Variants in LGR5 observed in about 807,000 individuals in gnomAD.
LGR5 encodes leucine rich repeat containing G protein-coupled receptor 5.
Under a neutral mutation model 76.7 loss-of-function variants are expected in LGR5, and 54 were observed. That is an observed-to-expected ratio of 0.70 (90% CI 0.57 to 0.88). The LOEUF (loss-of-function observed/expected upper bound fraction) is 0.88. Among genes scored for constraint, LGR5 ranks in the 40% least tolerant of loss-of-function variants. LGR5 has a pLI of 0.00. For missense variants in LGR5, 1,078 were observed against 1,073.3 expected, an observed-to-expected ratio of 1.00 and a Z score of -0.06; for synonymous variants, 406 against 421.9, an observed-to-expected ratio of 0.96 and a Z score of 0.46.
At chr12:71,527,848 T>G (rs1876095553) in intron 3 of LGR5, among the ~76,000 whole-genome samples, 2 of 152,192 alleles carry the variant, frequency 1.3e-5, no homozygotes, top group Admixed American at 6.5e-5. Context: ...TTTTGGAAAT[T>G]TGTGGGAGCA....
chr12:71,571,345 T>C (rs1878600820), intron 11 of LGR5, 169 bp from the exon 12 acceptor site: 1 of 487,592 alleles, frequency 2.1e-6, no homozygotes, highest in Non-Finnish European at 3.6e-6. Flanking sequence ...TTGAATCTAC[T>C]GGTTAATCCA....
chr12:71,531,801 G>T (rs979953564), intron 3 of LGR5, among the ~76,000 whole-genome samples: 19 of 152,304 alleles, frequency 1.2e-4, no homozygotes, highest in Non-Finnish European at 2.9e-5. Flanking sequence ...CCGGGAGGCG[G>T]AGGTTGCAGT....
chr12:71,571,187 A>G (rs1472793302), intron 11 of LGR5: 2 of 171,888 alleles, frequency 1.2e-5, no homozygotes, highest in Non-Finnish European at 2.5e-5. Context: ...TTAGAGACAG[A>G]GGCACAATTA....
chr12:71,470,599 T>A (rs1265337347), intron 1 of LGR5, among the ~76,000 whole-genome samples: 1 of 152,204 alleles, frequency 6.6e-6, no homozygotes, highest in Non-Finnish European at 1.5e-5. Flanking sequence ...GTGTATAGAA[T>A]CATATTTAAG....
intron 16 of LGR5, 71 bp downstream of exon 16, chr12:71,580,494 T>C: frequency 2.0e-6 from 3 of 1,480,094 alleles, no homozygotes; most frequent in Non-Finnish European, 2.8e-6. Context: ...GAATTATGTT[T>C]GATGAAAAGT....
intron 5 of LGR5, among the ~76,000 whole-genome samples, chr12:71,553,793 T>A (rs1000886791): frequency 6.6e-6 from 1 of 152,040 alleles, no homozygotes; most frequent in African/African-American, 2.4e-5. Flanking sequence ...AGAATTGCAA[T>A]AAAGAGTAAC....
At chr12:71,526,093 A>G (rs1408204790) in intron 3 of LGR5, among the ~76,000 whole-genome samples, 6 of 152,152 alleles carry the variant, frequency 3.9e-5, no homozygotes, top group Non-Finnish European at 7.4e-5. Flanking sequence ...TAGACATTCA[A>G]TAAATATTTG....
intron 2 of LGR5, among the ~76,000 whole-genome samples, chr12:71,505,888 T>A (rs892134399): frequency 6.6e-6 from 1 of 151,940 alleles, no homozygotes; most frequent in Non-Finnish European, 1.5e-5. Flanking sequence ...GTCCCAGGCC[T>A]TTTTTTTCCA....
At chr12:71,517,178 C>A (rs182153729) in intron 2 of LGR5, among the ~76,000 whole-genome samples, 1 of 152,060 alleles carries the variant, frequency 6.6e-6, no homozygotes, top group Non-Finnish European at 1.5e-5. Flanking sequence ...GTATGCATTT[C>A]GGTTTCAAAA....
In LGR5 at chr12:71,440,261, C is replaced by T; in HGVS notation, c.181C>T (p.Pro61Ser). Residue 61 changes from proline (P) to serine (S), a missense_variant, in exon 1 of 18, where the codon CCT (proline) becomes TCT (serine). Physicochemically the swap from Pro to Ser is moderately conservative, Grantham distance 74 (BLOSUM62 -1). Coordinates refer to ENST00000266674, the MANE Select transcript of LGR5 (RefSeq NM_003667.4). This position sits in a 1 kb window ranked among gnomAD's most constrained non-coding sequence, Gnocchi z 5.3. ...CTCCGACCTGGGGCTCTCGGAGCTG[C>T]CTTCCAACCTCAGCGTCTTCACCTC... Reference protein sequence around the residue: ...DCSDLGLSELPSNLSVFTSYL... With the variant: ...DCSDLGLSELSSNLSVFTSYL... The T allele has an allele frequency of 6.2e-7, 1 of 1,612,744 alleles. No individual in the cohort carries two copies. The highest frequency in any genetic ancestry group is 8.5e-7 in the Non-Finnish European group (1 of 1,179,978).
At chr12:71,476,557 A>G (rs1373667564) in intron 1 of LGR5, among the ~76,000 whole-genome samples, 1 of 152,204 alleles carries the variant, frequency 6.6e-6, no homozygotes, top group Non-Finnish European at 1.5e-5. Flanking sequence ...TTTGTCTCAG[A>G]TATAAAACGC....
At chr12:71,548,767 T>C (rs1349407664) in intron 4 of LGR5, among the ~76,000 whole-genome samples, 1 of 152,050 alleles carries the variant, frequency 6.6e-6, no homozygotes, top group Admixed American at 6.6e-5. Flanking sequence ...TGGAACCTGG[T>C]ACTTCCCATT....
intron 1 of LGR5, among the ~76,000 whole-genome samples, chr12:71,503,561 A>C (rs1803725815): frequency 6.6e-6 from 1 of 152,218 alleles, no homozygotes; most frequent in Non-Finnish European, 1.5e-5. Context: ...TAAAAGAACC[A>C]AGTTATATTG....
At chr12:71,555,333 AC>A (rs964631671) in intron 5 of LGR5, among the ~76,000 whole-genome samples, 10 of 152,172 alleles carry the variant, frequency 6.6e-5, no homozygotes, top group Non-Finnish European at 1.3e-4. Context: ...ATCCAGCTGT[AC>A]TTTTTCACCC....
Position 71,514,288 on chromosome 12 carries a change from G to A in LGR5, c.284+9603G>A, listed in dbSNP as rs982981116. Among the ~76,000 whole-genome samples the A allele has an allele frequency of 7.2e-5, 11 of 151,944 alleles. 1 individual carries two copies. The East Asian group carries it at 2.1e-3, about 30-fold the overall frequency. On this transcript the variant is annotated intron_variant, in intron 2 of 17. Transcript: ENST00000266674. ...TAGTCTGGTTAAAGAAACCACAGGG[G>A]CAGGGCACGGTGGCTCACGCCTGTA...
chr12:71,563,767 C>T (rs1392979754), intron 8 of LGR5, among the ~76,000 whole-genome samples: 1 of 152,082 alleles, frequency 6.6e-6, no homozygotes, highest in Non-Finnish European at 1.5e-5. Flanking sequence ...AGAGAGTTCC[C>T]TCCTGAGAAC....
chr12:71,523,804 T>G (rs1875841693), intron 2 of LGR5, among the ~76,000 whole-genome samples: 1 of 152,246 alleles, frequency 6.6e-6, no homozygotes, highest in African/African-American at 2.4e-5. Flanking sequence ...TTCCATTAAA[T>G]AACCCATGTT....
intron 1 of LGR5, among the ~76,000 whole-genome samples, chr12:71,501,837 T>G (rs1759424356): frequency 6.6e-6 from 1 of 152,330 alleles, no homozygotes; most frequent in East Asian, 1.9e-4. Flanking sequence ...TCACCGTGGA[T>G]AGTTTGGAAT....
rs1317663250 is a variant in LGR5, at chr12:71,585,452, A to G, written c.*718A>G. On this transcript the variant is annotated 3_prime_UTR_variant, in exon 18 of 18. Transcript: ENST00000266674. ...AAATTCTTAAATTGTTACTAAGGCA[A>G]TCATGCACAGGTGACGTATGTCTTA... 1 of 152,238 alleles carries G rather than the reference A, an allele frequency of 6.6e-6. No homozygotes were observed. The highest frequency in any genetic ancestry group is 1.5e-5 in the Non-Finnish European group (1 of 68,044). The allele number at this position is 152,238 out of a possible 1,614,324, so 9.4% of individuals were successfully genotyped here.
Sources: allele counts gnomAD v4.1 joint callset (sites outside exome capture counted in the v4.1 genomes callset), GRCh38; gene constraint gnomAD v4.1.1; non-coding constraint Gnocchi (gnomAD v3.1); transcripts MANE v1.5; gene names NCBI Gene and HGNC (gene_info 2026-07-23, HGNC 2026-07-21).